The following ACCSL variants were observed in gnomAD, a reference collection of about 807,000 sequenced individuals.
ACCSL encodes the protein probable inactive 1-aminocyclopropane-1-carboxylate synthase-like protein 2.
In ACCSL, 55 loss-of-function variants were observed where a neutral mutation model predicts 61.7. The observed-to-expected ratio is 0.89, with a 90% CI of 0.72 to 1.12. The LOEUF (loss-of-function observed/expected upper bound fraction) is 1.12, where lower values mean the gene tolerates loss of function less well. Ranked by LOEUF, ACCSL falls within the 50% of genes most tolerant of loss-of-function variation. The pLI is 0.00. For synonymous variants in ACCSL, 258 were observed against 264.3 expected (o/e 0.98, Z 0.23); for missense variants, 632 against 698.0 (o/e 0.91, Z 1.07).
At chr11:44,010,735 C>T in the ACCSL span, among the ~76,000 whole-genome samples, 19 of 152,284 alleles carry the variant, frequency 1.2e-4, no homozygotes, top group African/African-American at 4.6e-4. Context: ...AACTCAAAAC[C>T]CTTTCCTGGG....
At chr11:43,988,996 A>G in the ACCSL span, among the ~76,000 whole-genome samples, 1 of 151,990 alleles carries the variant, frequency 6.6e-6, no homozygotes, top group Non-Finnish European at 1.5e-5. Flanking sequence ...TGACAGTGCG[A>G]AAGATTGGTC....
the ACCSL span, among the ~76,000 whole-genome samples, chr11:44,003,005 A>G: frequency 6.6e-5 from 10 of 152,122 alleles, no homozygotes; most frequent in African/African-American, 2.4e-4. Context: ...TGCATTCGTG[A>G]TGTTTCATTG....
At chr11:43,943,444 G>T in the ACCSL span, 42 of 1,432,324 alleles carry the variant, frequency 2.9e-5, no homozygotes, top group Middle Eastern at 1.9e-4. The surrounding 1 kb of genome is among the most constrained non-coding windows in gnomAD (Gnocchi z 4.8). Context: ...TGCGCCCCTC[G>T]CCGCGCTCGC....
upstream of ACCSL, among the ~76,000 whole-genome samples, chr11:44,045,401 G>T (rs1429516038): frequency 6.6e-6 from 1 of 152,048 alleles, no homozygotes; most frequent in Non-Finnish European, 1.5e-5. Flanking sequence ...GATTGCACCA[G>T]TGCACTCCAG....
rs1952641027 is a variant in ACCSL at position 44,051,733 on chromosome 11, C to T, written c.772+14C>T. 1.2e-6 allele frequency: 2 copies of T among 1,613,838 alleles called. No individual in the cohort carries two copies. Among genetic ancestry groups the T allele is most frequent in the South Asian group, 2.2e-5 (2 of 91,070 alleles). On this transcript the variant is annotated intron_variant, in intron 5 of 13. Transcript: ENST00000378832. Reference sequence around the variant, plus strand: ...GTGATCCAGGCGGTAAGTCAGTGGGCTCTCCTTTCACTCTCAGTGAAATAC... The same window carrying T: ...GTGATCCAGGCGGTAAGTCAGTGGGTTCTCCTTTCACTCTCAGTGAAATAC...
At chr11:44,000,506 A>G in the ACCSL span, among the ~76,000 whole-genome samples, 51,539 of 131,854 alleles carry the variant, frequency 0.39, 11,262 homozygotes, top group Middle Eastern at 0.52. Context: ...AGCCTGGGTG[A>G]CCGAGTGAGA....
chr11:43,957,385 CT>C, the ACCSL span, among the ~76,000 whole-genome samples: 1 of 152,144 alleles, frequency 6.6e-6, no homozygotes. Context: ...AAGAGTTAAG[CT>C]TTGCCTGAAG....
chr11:43,987,343 G>A, the ACCSL span, among the ~76,000 whole-genome samples: 1 of 152,216 alleles, frequency 6.6e-6, no homozygotes, highest in Non-Finnish European at 1.5e-5. Context: ...CCTTTGGAAA[G>A]TGGGAGTGTC....
the ACCSL span, among the ~76,000 whole-genome samples, chr11:44,035,556 A>G: frequency 6.6e-6 from 1 of 152,080 alleles, no homozygotes; most frequent in Admixed American, 6.5e-5. Flanking sequence ...AAGCAGAGTA[A>G]AGCATTAGTT....
chr11:43,952,765 G>A, the ACCSL span, among the ~76,000 whole-genome samples: 14 of 152,152 alleles, frequency 9.2e-5, no homozygotes, highest in African/African-American at 3.1e-4. Context: ...TCTTTAACTC[G>A]GTGTCTGAGG....
the ACCSL span, among the ~76,000 whole-genome samples, chr11:44,038,980 T>C: frequency 2.0e-5 from 3 of 152,344 alleles, no homozygotes; most frequent in African/African-American, 4.8e-5. Flanking sequence ...GACTTTTCCA[T>C]TGGAAAGTTT....
the ACCSL span, among the ~76,000 whole-genome samples, chr11:43,964,146 G>T: frequency 1.3e-5 from 2 of 152,030 alleles, no homozygotes; most frequent in African/African-American, 4.8e-5. Flanking sequence ...TCCCGTGAAA[G>T]AAAAGCCTAG....
At chr11:44,025,434 A>C in the ACCSL span, among the ~76,000 whole-genome samples, 1 of 152,080 alleles carries the variant, frequency 6.6e-6, no homozygotes, top group Non-Finnish European at 1.5e-5. Context: ...CTATACAAAA[A>C]CTTTATTTTA....
At chr11:43,942,941 T>G in the ACCSL span, 1 of 1,464,610 alleles carries the variant, frequency 6.8e-7, no homozygotes, top group East Asian at 3.0e-5. Context: ...GGGCATCTGC[T>G]CCAGTTACCA....
At position 44,058,551 on chromosome 11, in the gene ACCSL, G is replaced by A. The variant is rs1395376751; in HGVS notation, c.1476G>A (p.Leu492=). The A allele has an allele frequency of 1.2e-6, 2 of 1,613,986 alleles. No individual in the cohort carries two copies. Among genetic ancestry groups the A allele is most frequent in the South Asian group, 1.1e-5 (1 of 91,054 alleles). ...LYVWINLKKY[L]DPCTFEEERL... ...TGTTCCTCTGCCCTCCCTAGTACCT[G>A]GATCCCTGTACATTTGAAGAAGAAC... Residue 492 remains leucine (L), a synonymous_variant, in exon 13 of 14, where the codon CTG becomes CTA. Transcript: ENST00000378832.
chr11:43,940,551 G>C, the ACCSL span, among the ~76,000 whole-genome samples: 1 of 151,130 alleles, frequency 6.6e-6, no homozygotes, highest in African/African-American at 2.4e-5. Context: ...TAGTAGAGAC[G>C]GGGTTTCACC....
At chr11:44,043,038 G>A (rs1367203979), upstream of ACCSL, among the ~76,000 whole-genome samples, 1 of 151,774 alleles carries the variant, frequency 6.6e-6, no homozygotes, top group Non-Finnish European at 1.5e-5. Flanking sequence ...AGCTCTGATT[G>A]CACCATTGCA....
chr11:43,973,318 G>A, the ACCSL span, among the ~76,000 whole-genome samples: 1 of 152,146 alleles, frequency 6.6e-6, no homozygotes, highest in Non-Finnish European at 1.5e-5. Flanking sequence ...ATTTTGAGTG[G>A]TAGTTTTAGT....
At chr11:44,054,160 C>T (rs1318064202) in intron 8 of ACCSL, among the ~76,000 whole-genome samples, 1 of 152,186 alleles carries the variant, frequency 6.6e-6, no homozygotes, top group African/African-American at 2.4e-5. Flanking sequence ...CCGAGGAAGA[C>T]ACTTTCAGAC....
Sources: allele counts gnomAD v4.1 joint callset (sites outside exome capture counted in the v4.1 genomes callset), GRCh38; gene constraint gnomAD v4.1.1; non-coding constraint Gnocchi (gnomAD v3.1); transcripts MANE v1.5; gene names NCBI Gene and HGNC (gene_info 2026-07-23, HGNC 2026-07-21).